The following CTC1 variants were observed in gnomAD, a reference collection of about 807,000 sequenced individuals.
CTC1 encodes CST telomere replication complex component 1.
A neutral mutation model predicts 136.3 loss-of-function variants in CTC1; 91 were observed. The ratio of observed to expected loss-of-function variants is 0.67; its 90% CI spans 0.56 to 0.79. CTC1 has a LOEUF of 0.79. Ranked by LOEUF, CTC1 falls within the 30% of genes least tolerant of loss-of-function variation. The pLI is 0.00. For missense variants in CTC1, 1,432 were observed against 1,498.1 expected, an observed-to-expected ratio of 0.96 and a Z score of 0.73; for synonymous variants, 606 against 613.8, an observed-to-expected ratio of 0.99 and a Z score of 0.19.
chr17:8,244,853 C>A (rs939126761), intron 1 of CTC1, among the ~76,000 whole-genome samples: 2 of 152,076 alleles, frequency 1.3e-5, no homozygotes, highest in Non-Finnish European at 2.9e-5. Context: ...TCTTAAGGAG[C>A]TCGAAAAGAG....
chr17:8,237,343 A>T, intron 5 of CTC1, 32 bp downstream of exon 5: 2 of 1,612,866 alleles, frequency 1.2e-6, no homozygotes. Context: ...ACCCTCCCCC[A>T]CTTCCATGGC....
Position 8,226,367 on chromosome 17 carries a change from A to G in CTC1, c.*1813T>C, listed in dbSNP as rs1014559157. On this transcript the variant is annotated 3_prime_UTR_variant, in exon 23 of 23. Coordinates refer to ENST00000651323, the MANE Select transcript of CTC1 (RefSeq NM_025099.6). ...CAAGAATATAGAGCTAGGAACCCGG[A>G]CCGAGCTTTTTCAGATCTTTCTAGA... is the stretch of plus-strand genomic sequence containing the variant. 2 of 152,322 alleles carry G rather than the reference A, an allele frequency of 1.3e-5. No individual in the cohort carries two copies. The highest frequency in any genetic ancestry group is 4.8e-5 in the African/African-American group (2 of 41,582). 9.4% of individuals were successfully genotyped at this position (152,322 alleles called of 1,614,324 possible).
chr17:8,230,737 T>A, intron 15 of CTC1, 86 bp from the exon 16 acceptor site: 1 of 1,124,064 alleles, frequency 8.9e-7, no homozygotes, highest in East Asian at 2.4e-5. Flanking sequence ...AAAATGGAGC[T>A]AAAGTATCTG....
intron 10 of CTC1, among the ~76,000 whole-genome samples, chr17:8,233,811 C>A (rs979643271): frequency 6.6e-6 from 1 of 151,666 alleles, no homozygotes; most frequent in Non-Finnish European, 1.5e-5. Context: ...GTGGTGAACG[C>A]CCGTAGTCTC....
intron 4 of CTC1, 88 bp from the exon 5 acceptor site, chr17:8,237,607 G>T: frequency 1.0e-6 from 1 of 963,916 alleles, no homozygotes; most frequent in Non-Finnish European, 1.4e-6. Context: ...AGAGGTTGCA[G>T]TAAGCTGAGA....
At chr17:8,239,796 A>C (rs1400523512) in intron 2 of CTC1, among the ~76,000 whole-genome samples, 3 of 152,178 alleles carry the variant, frequency 2.0e-5, no homozygotes, top group Non-Finnish European at 4.4e-5. Flanking sequence ...TGTTGGACTC[A>C]AGAACATTAT....
At chr17:8,229,534 T>C (rs1384567333) in intron 18 of CTC1, 88 bp from the exon 19 acceptor site, 3 of 1,193,372 alleles carry the variant, frequency 2.5e-6, no homozygotes, top group Non-Finnish European at 3.6e-6. Context: ...TAGAAGGACT[T>C]AGAGGGCATC....
chr17:8,231,579 G>T, intron 14 of CTC1, 110 bp from the exon 15 acceptor site: 2 of 1,247,034 alleles, frequency 1.6e-6, no homozygotes, highest in Non-Finnish European at 2.3e-6. Context: ...AGAAGGAAGT[G>T]TGTCAACACA....
At position 8,229,350 on chromosome 17, in the gene CTC1, G is replaced by A. The variant is rs771028025; in HGVS notation, c.3108C>T (p.Ser1036=). The stretch of plus-strand genomic sequence containing the variant: ...AAGCACACACCCAGAAGAGCTGAAG[G>A]CTGAAGACAGAGACGATATGGCAAG... The part of the protein sequence containing the change: ...TASCHIVSVF[S]LQLFWVCAYC... The change falls in exon 19 of 23, where the codon AGC becomes AGT. Residue 1036 remains serine, a synonymous_variant. Coordinates refer to ENST00000651323, the MANE Select transcript of CTC1 (RefSeq NM_025099.6). 1.2e-6 allele frequency: 2 copies of A among 1,614,226 alleles called. No individual in the cohort carries two copies. Among genetic ancestry groups the A allele is most frequent in the Non-Finnish European group, 8.5e-7 (1 of 1,180,046 alleles).
In CTC1 at chr17:8,229,149, T is replaced by C. The variant is rs1394238055; in HGVS notation, c.3214A>G (p.Ile1072Val). Residue 1072 changes from isoleucine (I) to valine (V), a missense_variant, in exon 20 of 23, where the codon ATC becomes GTC. Physicochemically the swap from Ile to Val is conservative, Grantham distance 29. Transcript: ENST00000651323. ...CACGCCTTGTGCTCTCACCTGATGA[T>C]GGCCTGGCTTATAGCTGTCTGCGTA... ...CPTQTAISQA[I>V]IRLLVEDGTA... The C allele has an allele frequency of 1.4e-5, 22 of 1,613,744 alleles. No individual in the cohort carries two copies. Among genetic ancestry groups the C allele is most frequent in the East Asian group, 6.7e-5 (3 of 44,904 alleles).
intron 4 of CTC1, among the ~76,000 whole-genome samples, 186 bp from the exon 5 acceptor site, chr17:8,237,705 A>C (rs1387317977): frequency 1.5e-5 from 2 of 135,070 alleles, no homozygotes; most frequent in Non-Finnish European, 3.1e-5. Context: ...AAAAAAAAGC[A>C]GCAGCAGTCA....
rs1986804600 is a variant in CTC1, at chr17:8,227,237, C to T, written c.*943G>A. On this transcript the variant is annotated 3_prime_UTR_variant, in exon 23 of 23. Coordinates refer to ENST00000651323, the MANE Select transcript of CTC1 (RefSeq NM_025099.6). ...TAGCTCTGAAAGATGTGCCTCAGCT[C>T]ATCTTTCCACCTCTCCATCTATCAG... The T allele has an allele frequency of 6.6e-6, 1 of 150,738 alleles. No individual in the cohort carries two copies. Among genetic ancestry groups the T allele is most frequent in the Admixed American group, 6.6e-5 (1 of 15,238 alleles). The allele number at this position is 150,738 out of a possible 1,614,324, so 9.3% of individuals were successfully genotyped here.
chr17:8,232,460 GC>G lies in CTC1; in HGVS notation c.1960del (p.Ala654GlnfsTer6), dbSNP rs1247588818. The G allele has an allele frequency of 6.2e-7, 1 of 1,613,908 alleles. No homozygotes were observed. The highest frequency in any genetic ancestry group is 1.7e-5 in the Admixed American group (1 of 59,982). ...DPRLIGCLVR[A>X]ERFQLIVERD... ...CTCTACGATCAACTGAAACCTCTCT[GC>G]CCGCACCAGGCAGCCTAGAGGAAGA... On this transcript the variant is annotated frameshift_variant, in exon 12 of 23. Coordinates refer to ENST00000651323, the MANE Select transcript of CTC1 (RefSeq NM_025099.6). LOFTEE classifies it high-confidence loss of function.
chr17:8,238,154 CCT>C lies in CTC1; in HGVS notation c.522_523del (p.Glu176ArgfsTer64). Reference sequence around the variant, plus strand: ...ATCCCACAGCTCCAAGTGCCCTTCCCCTGAGGAATTCCACCTGGCAGGAGGGA... The same window carrying C: ...ATCCCACAGCTCCAAGTGCCCTTCCCGAGGAATTCCACCTGGCAGGAGGGA... On this transcript the variant is annotated frameshift_variant, in exon 4 of 23. Transcript: ENST00000651323. LOFTEE classifies it high-confidence loss of function. 6.2e-7 allele frequency: 1 copy of C among 1,614,120 alleles called. No individual in the cohort carries two copies. Among genetic ancestry groups the C allele is most frequent in the Non-Finnish European group, 8.5e-7 (1 of 1,179,978 alleles).
At chr17:8,239,964 G>C (rs1036314401) in intron 2 of CTC1, among the ~76,000 whole-genome samples, 1 of 152,050 alleles carries the variant, frequency 6.6e-6, no homozygotes, top group African/African-American at 2.4e-5. Context: ...TACTGAGTCT[G>C]GTCAGGCACA....
rs755058193 is a variant in CTC1, at chr17:8,228,612, G to A, written c.3405C>T (p.Asp1135=). 8 of 1,614,050 alleles carry A rather than the reference G, an allele frequency of 5.0e-6. No homozygotes were observed. Among genetic ancestry groups the A allele is most frequent in the East Asian group, 4.5e-5 (2 of 44,892 alleles). The change falls in exon 22 of 23, where the codon GAC becomes GAT. Residue 1135 remains aspartate (D), a synonymous_variant. Coordinates refer to ENST00000651323, the MANE Select transcript of CTC1 (RefSeq NM_025099.6). ...TCCAGAGGAACATGGTCATGGGCTC[G>A]TCAACCCTGGCTGAAGACTAGAAAG... ...GAQLESSARV[D]EPMTMFLWTL...
At chr17:8,235,792 C>T in intron 7 of CTC1, 39 bp downstream of exon 7, 1 of 1,553,228 alleles carries the variant, frequency 6.4e-7, no homozygotes, top group Non-Finnish European at 8.7e-7. Flanking sequence ...AGAGAAGCTG[C>T]AGAGGTCTCT....
intron 10 of CTC1, among the ~76,000 whole-genome samples, chr17:8,233,745 G>C (rs1455289047): frequency 6.6e-6 from 1 of 152,152 alleles, no homozygotes; most frequent in Non-Finnish European, 1.5e-5. Context: ...TCTAGCCTGG[G>C]TGACAGAGCA....
At position 8,225,892 on chromosome 17, in the gene CTC1, C is replaced by T. The variant is rs1258585301; in HGVS notation, c.*2288G>A. 2 of 151,836 alleles carry T rather than the reference C, an allele frequency of 1.3e-5. No individual in the cohort carries two copies. Among genetic ancestry groups the T allele is most frequent in the Non-Finnish European group, 2.9e-5 (2 of 67,982 alleles). The allele number at this position is 151,836 out of a possible 1,614,324, so 9.4% of individuals were successfully genotyped here. On this transcript the variant is annotated 3_prime_UTR_variant, in exon 23 of 23. Coordinates refer to ENST00000651323, the MANE Select transcript of CTC1 (RefSeq NM_025099.6). ...AACTATAATGAAGAGCCAAACAAAA[C>T]AAAGTGGCTCAGGTTCTAGGGGACG...
Sources: allele counts gnomAD v4.1 joint callset (sites outside exome capture counted in the v4.1 genomes callset), GRCh38; gene constraint gnomAD v4.1.1; transcripts MANE v1.5; gene names NCBI Gene and HGNC (gene_info 2026-07-23, HGNC 2026-07-21).